Variants in KHDRBS2 observed in about 807,000 individuals in gnomAD.
KHDRBS2 encodes the protein KH RNA binding domain containing, signal transduction associated 2.
Under a neutral mutation model 44.3 loss-of-function variants are expected in KHDRBS2, and 26 were observed. The ratio of observed to expected loss-of-function variants is 0.59; its 90% CI spans 0.43 to 0.81. The LOEUF is 0.81. Ranked by LOEUF, KHDRBS2 falls within the 40% of genes least tolerant of loss-of-function variation. The pLI is 0.00. For missense variants in KHDRBS2, 476 were observed against 433.1 expected (o/e 1.10, Z -0.88); for synonymous variants, 194 against 151.1 (o/e 1.28, Z -2.08).
At chr6:61,944,847 T>C (rs1472733037) in intron 4 of KHDRBS2, among the ~76,000 whole-genome samples, 2 of 151,486 alleles carry the variant, frequency 1.3e-5, no homozygotes, top group Non-Finnish European at 2.9e-5. Flanking sequence ...TCCCAGCACT[T>C]TGGGAGGCAG....
intron 6 of KHDRBS2, among the ~76,000 whole-genome samples, chr6:61,885,533 C>T (rs1487780031): frequency 2.0e-5 from 3 of 152,174 alleles, no homozygotes; most frequent in Non-Finnish European, 4.4e-5. Context: ...TGTGTCACAA[C>T]ACTATGTGAG....
the KHDRBS2 span, among the ~76,000 whole-genome samples, chr6:61,594,571 A>G: frequency 6.6e-6 from 1 of 152,110 alleles, no homozygotes; most frequent in African/African-American, 2.4e-5. Context: ...TGCAATTGAC[A>G]AACTCCTTTA....
At chr6:61,892,797 C>G (rs1424926463) in intron 6 of KHDRBS2, among the ~76,000 whole-genome samples, 3 of 152,140 alleles carry the variant, frequency 2.0e-5, no homozygotes, top group Non-Finnish European at 4.4e-5. Context: ...ACCATAAAAA[C>G]CCTAGAAGAA....
chr6:61,752,671 C>CAAAAAAAAAAAAA (rs56410130), intron 6 of KHDRBS2, among the ~76,000 whole-genome samples: 1 of 111,314 alleles, frequency 9.0e-6, no homozygotes, highest in Non-Finnish European at 1.8e-5. Flanking sequence ...TTGTGGTATA[C>CAAAAAAAAAAAAA]AAAAAAAAAA....
chr6:62,016,573 T>A (rs1476868588), intron 3 of KHDRBS2, among the ~76,000 whole-genome samples: 2 of 148,964 alleles, frequency 1.3e-5, no homozygotes, highest in Non-Finnish European at 3.0e-5. Context: ...TAAGAATATT[T>A]GTATATAAAT....
intron 3 of KHDRBS2, among the ~76,000 whole-genome samples, chr6:62,018,964 A>T (rs1282137441): frequency 6.6e-6 from 1 of 152,064 alleles, no homozygotes; most frequent in Non-Finnish European, 1.5e-5. Flanking sequence ...TCTTTTTTAA[A>T]ATTGAAAAGA....
chr6:62,223,832 A>T (rs1176889187), intron 1 of KHDRBS2, among the ~76,000 whole-genome samples: 1 of 152,084 alleles, frequency 6.6e-6, no homozygotes, highest in Non-Finnish European at 1.5e-5. Context: ...TCCATCTGAG[A>T]CCACCTCAGC....
chr6:61,965,381 A>G (rs1769692839), intron 4 of KHDRBS2, among the ~76,000 whole-genome samples: 1 of 152,192 alleles, frequency 6.6e-6, no homozygotes, highest in East Asian at 1.9e-4. Context: ...CATCCTGCTC[A>G]TTCCTGATCT....
chr6:62,276,220 C>T (rs1840914868), intron 1 of KHDRBS2, among the ~76,000 whole-genome samples: 1 of 152,120 alleles, frequency 6.6e-6, no homozygotes, highest in Non-Finnish European at 1.5e-5. Flanking sequence ...AGTATAATAA[C>T]ACCAGCCAAT....
chr6:61,822,795 T>C (rs1457521680), intron 6 of KHDRBS2, among the ~76,000 whole-genome samples: 3 of 152,050 alleles, frequency 2.0e-5, no homozygotes, highest in African/African-American at 7.2e-5. Context: ...AGCTGTGACA[T>C]GGGCTATAAC....
intron 2 of KHDRBS2, among the ~76,000 whole-genome samples, chr6:62,167,039 C>A (rs1263875328): frequency 6.6e-6 from 1 of 151,972 alleles, no homozygotes; most frequent in Non-Finnish European, 1.5e-5. Flanking sequence ...TCAAAAAGCA[C>A]CTGCATTTTA....
chr6:61,774,368 C>T (rs560698138), intron 6 of KHDRBS2, among the ~76,000 whole-genome samples: 38 of 150,644 alleles, frequency 2.5e-4, no homozygotes, highest in African/African-American at 8.0e-4. Context: ...CCCTGTTTGC[C>T]GATGACATGA....
At chr6:61,805,272 G>A (rs529285462) in intron 6 of KHDRBS2, among the ~76,000 whole-genome samples, 46 of 152,194 alleles carry the variant, frequency 3.0e-4, no homozygotes, top group African/African-American at 9.6e-4. Flanking sequence ...CTAGAATCAC[G>A]TTTATTCCAG....
chr6:61,750,721 A>G lies in KHDRBS2; in HGVS notation c.811-17957T>C, dbSNP rs1274683030. Among the ~76,000 whole-genome samples, 3 of 151,538 alleles carry G rather than the reference A, an allele frequency of 2.0e-5. No homozygotes were observed. The South Asian group carries it at 6.3e-4, about 32-fold the overall frequency. ...CATTTTGCTTATTTACCAGGGAGTA[A>G]CTGCCTTTCTTCTTCTCATTTATGA... On this transcript the variant is annotated intron_variant, in intron 6 of 8. Transcript: ENST00000281156.
chr6:61,625,379 G>T, the KHDRBS2 span, among the ~76,000 whole-genome samples: 77 of 149,426 alleles, frequency 5.2e-4, no homozygotes, highest in Non-Finnish European at 9.5e-4. Flanking sequence ...AGGCATTCGA[G>T]ATGGACTGTG....
At chr6:61,778,642 C>A (rs1782469377) in intron 6 of KHDRBS2, among the ~76,000 whole-genome samples, 1 of 152,176 alleles carries the variant, frequency 6.6e-6, no homozygotes, top group Non-Finnish European at 1.5e-5. Flanking sequence ...GATGATTCCT[C>A]TTTCCTGGGA....
chr6:62,059,666 G>A (rs1392298704), intron 2 of KHDRBS2, among the ~76,000 whole-genome samples: 1 of 151,656 alleles, frequency 6.6e-6, no homozygotes, highest in East Asian at 2.0e-4. Context: ...CCTTCCAAAT[G>A]GAGAAACCTA....
intron 6 of KHDRBS2, among the ~76,000 whole-genome samples, chr6:61,764,396 A>G (rs1308658049): frequency 6.6e-6 from 1 of 152,186 alleles, no homozygotes; most frequent in Non-Finnish European, 1.5e-5. Context: ...TAGGTATCTG[A>G]GGAATCATCA....
chr6:61,600,116 T>C, the KHDRBS2 span, among the ~76,000 whole-genome samples: 3 of 152,196 alleles, frequency 2.0e-5, no homozygotes, highest in Non-Finnish European at 1.5e-5. Flanking sequence ...TAGTGATTTA[T>C]TTATTTATTT....
Sources: allele counts gnomAD v4.1 joint callset (sites outside exome capture counted in the v4.1 genomes callset), GRCh38; gene constraint gnomAD v4.1.1; transcripts MANE v1.5; gene names NCBI Gene and HGNC (gene_info 2026-07-23, HGNC 2026-07-21).